The following DNAH10 variants were observed in gnomAD, a reference collection of about 807,000 sequenced individuals.
DNAH10 encodes the protein dynein axonemal heavy chain 10, also known as axonemal beta dynein heavy chain 10.
DNAH10 carries 348 observed loss-of-function variants against 506.6 expected under a neutral mutation model. That is an observed-to-expected ratio of 0.69 (90% CI 0.63 to 0.75). The LOEUF is 0.75. Among genes scored for constraint, DNAH10 ranks in the 30% least tolerant of loss-of-function variants. The pLI, the probability that DNAH10 is intolerant of heterozygous loss-of-function variation, is 0.00. For synonymous variants in DNAH10, 2,059 were observed against 2,198.6 expected (o/e 0.94, Z 1.78); for missense variants, 5,179 against 5,787.1 (o/e 0.89, Z 3.41).
Position 123,803,676 on chromosome 12 carries a change from T to A in DNAH10, c.2630T>A (p.Ile877Lys), listed in dbSNP as rs376812077. The A allele has an allele frequency of 1.8e-4, 291 of 1,602,012 alleles. 1 individual carries two copies. In the South Asian group the frequency reaches 3.1e-3, roughly 17 times the overall value. ...NWNSLGIGDY[I>K]TGCKQAIGKF... ...TTCTTCAAAGGTATCGGTGACTATA[T>A]AACTGGTTGCAAACAGGCCATTGGG... The change falls in exon 17 of 79, where the codon ATA becomes AAA. Residue 877 changes from isoleucine (I) to lysine (K), a missense_variant. This residue lies in a region of DNAH10 where 4,844 missense variants were observed against 5,430.5 expected (regional missense o/e 0.89). Coordinates refer to ENST00000673944, the MANE Select transcript of DNAH10 (RefSeq NM_001372106.1).
intron 61 of DNAH10, 67 bp from the exon 62 acceptor site, chr12:123,914,785 A>G: frequency 1.3e-6 from 2 of 1,563,944 alleles, no homozygotes; most frequent in Non-Finnish European, 8.7e-7. Flanking sequence ...GGCCAGTCCT[A>G]CCACCCTTAG....
At chr12:123,863,902 G>C (rs1951699793) in intron 39 of DNAH10, among the ~76,000 whole-genome samples, 2 of 152,186 alleles carry the variant, frequency 1.3e-5, no homozygotes, top group Non-Finnish European at 2.9e-5. Context: ...GTGATAAATA[G>C]CAATTGATAC....
intron 29 of DNAH10, among the ~76,000 whole-genome samples, chr12:123,840,005 C>T (rs1950709521): frequency 6.6e-6 from 1 of 152,150 alleles, no homozygotes; most frequent in Non-Finnish European, 1.5e-5. Context: ...TAGCGTCAGC[C>T]TGGGCAGGGG....
At chr12:123,812,840 C>T (rs1022329999) in intron 19 of DNAH10, among the ~76,000 whole-genome samples, 4 of 152,112 alleles carry the variant, frequency 2.6e-5, no homozygotes, top group South Asian at 2.1e-4. Flanking sequence ...TAGACCAGCT[C>T]GAGCTGGTGG....
intron 36 of DNAH10, among the ~76,000 whole-genome samples, chr12:123,854,068 G>T (rs1423163141): frequency 1.8e-5 from 2 of 109,532 alleles, no homozygotes; most frequent in African/African-American, 3.5e-5. Context: ...CACACATTTG[G>T]GTTTTTTTTT....
intron 28 of DNAH10, among the ~76,000 whole-genome samples, chr12:123,835,891 C>T (rs1339395890): frequency 6.6e-6 from 1 of 152,226 alleles, no homozygotes; most frequent in Non-Finnish European, 1.5e-5. Context: ...TCCCAAAGCA[C>T]TGGGATTACA....
Position 123,876,406 on chromosome 12 carries a change from G to A in DNAH10, c.8199+915G>A, listed in dbSNP as rs979673423. 2.0e-5 allele frequency among the ~76,000 whole-genome samples: 3 copies of A among 152,196 alleles called. No homozygotes were observed. In the East Asian group the frequency reaches 5.8e-4, roughly 29 times the overall value. ...CCAGCACTTTGGGAGGTTGAGGCAGGTGGATCACTTGAGGTCAGGAGTTCA... is the reference window on the plus strand; with the variant it reads ...CCAGCACTTTGGGAGGTTGAGGCAGATGGATCACTTGAGGTCAGGAGTTCA... On this transcript the variant is annotated intron_variant, in intron 47 of 78. Coordinates refer to ENST00000673944, the MANE Select transcript of DNAH10 (RefSeq NM_001372106.1).
intron 29 of DNAH10, among the ~76,000 whole-genome samples, chr12:123,841,096 AATCCTCCACAG>A (rs1390566816): frequency 6.6e-6 from 1 of 152,138 alleles, no homozygotes; most frequent in African/African-American, 2.4e-5. Flanking sequence ...TTCTCTTTTC[AATCCTCCACAG>A]ATCTTTGCAC....
chr12:123,821,063 A>G (rs974221641), intron 24 of DNAH10, among the ~76,000 whole-genome samples: 4 of 152,198 alleles, frequency 2.6e-5, no homozygotes, highest in African/African-American at 9.7e-5. Flanking sequence ...CAGTCTGGCC[A>G]ACGTGGTGAA....
At chr12:123,905,119 A>G (rs1000199021) in intron 57 of DNAH10, among the ~76,000 whole-genome samples, 26 of 152,128 alleles carry the variant, frequency 1.7e-4, no homozygotes, top group African/African-American at 6.0e-4. Context: ...CCCTATGCAT[A>G]TCTTTCTGCA....
intron 41 of DNAH10, 108 bp downstream of exon 41, chr12:123,866,181 C>G: frequency 1.2e-6 from 1 of 848,320 alleles, no homozygotes; most frequent in East Asian, 3.5e-5. Context: ...TTGTCCTTGA[C>G]CTGCCCATGT....
At chr12:123,895,820 T>A (rs1953193266) in intron 54 of DNAH10, among the ~76,000 whole-genome samples, 1 of 152,068 alleles carries the variant, frequency 6.6e-6, no homozygotes, top group Non-Finnish European at 1.5e-5. Flanking sequence ...CCTTAGAATA[T>A]ACTCCCTGGA....
At chr12:123,848,652 G>C in intron 33 of DNAH10, 78 bp from the exon 34 acceptor site, 1 of 1,551,236 alleles carries the variant, frequency 6.4e-7, no homozygotes, top group Non-Finnish European at 8.8e-7. Context: ...CTTTAATTTA[G>C]AAAATATATC....
intron 43 of DNAH10, among the ~76,000 whole-genome samples, chr12:123,869,728 C>A (rs543632447): frequency 1.2e-4 from 18 of 152,182 alleles, no homozygotes; most frequent in Non-Finnish European, 1.2e-4. Flanking sequence ...TCAGGCTCCT[C>A]GCTCCATCTG....
chr12:123,931,173 T>C (rs1343611930), intron 73 of DNAH10, among the ~76,000 whole-genome samples, 168 bp from the exon 74 acceptor site: 1 of 151,994 alleles, frequency 6.6e-6, no homozygotes, highest in African/African-American at 2.4e-5. Context: ...AATGACCATG[T>C]CAGTGCACTT....
At chr12:123,833,064 G>C (rs747160741) in intron 26 of DNAH10, 50 bp from the exon 27 acceptor site, 2 of 1,457,286 alleles carry the variant, frequency 1.4e-6, no homozygotes, top group South Asian at 1.2e-5. Context: ...GTTGGGGCTC[G>C]GTCCTTTCAG....
rs1334693987 is a variant in DNAH10 at position 123,910,658 on chromosome 12, C to G, written c.10120C>G (p.Pro3374Ala). The stretch of plus-strand genomic sequence containing the variant: ...CTGTGATGTTTTCAGAGAAATCAAG[C>G]CCAAAAGAGAGAAGGTATTGCCCGA... ...GYCDVFREIK[P>A]KREKVARLER... The change falls in exon 59 of 79, where the codon CCC becomes GCC. Residue 3374 changes from proline to alanine, a missense_variant. By Grantham distance (27) the Pro-to-Ala change is conservative (BLOSUM62 -1). Transcript: ENST00000673944. 1 of 1,610,958 alleles carries G rather than the reference C, an allele frequency of 6.2e-7. No homozygotes were observed. Among genetic ancestry groups the G allele is most frequent in the East Asian group, 2.2e-5 (1 of 44,876 alleles).
At chr12:123,914,218 T>G (rs1274341763) in intron 60 of DNAH10, 111 bp from the exon 61 acceptor site, 1 of 938,342 alleles carries the variant, frequency 1.1e-6, no homozygotes, top group African/African-American at 1.7e-5. Flanking sequence ...AAAACATGTT[T>G]CCATCTGGCT....
chr12:123,867,418 T>C (rs998756245), intron 41 of DNAH10, 49 bp from the exon 42 acceptor site: 2 of 1,572,486 alleles, frequency 1.3e-6, no homozygotes, highest in South Asian at 2.4e-5. Flanking sequence ...CTAACTTCCA[T>C]TTAAATAAAC....
Sources: gnomAD v4.1 joint callset for allele counts (sites outside exome capture counted in the v4.1 genomes callset) on GRCh38, gnomAD v4.1.1 for gene constraint, gnomAD v4.1.1 regional missense constraint, MANE v1.5 for transcripts, NCBI Gene and HGNC (gene_info 2026-07-23, HGNC 2026-07-21) for gene names.